The following ERBB4 variants were observed in gnomAD, a reference collection of about 807,000 sequenced individuals.
The protein encoded by ERBB4 is erb-b2 receptor tyrosine kinase 4, also known as receptor tyrosine-protein kinase erbB-4.
A neutral mutation model predicts 158.0 loss-of-function variants in ERBB4; 42 were observed. The observed-to-expected ratio is 0.27, with a 90% CI of 0.21 to 0.34. ERBB4 has a LOEUF of 0.34. Among genes scored for constraint, ERBB4 ranks in the 10% least tolerant of loss-of-function variants. ERBB4 has a pLI of 1.00. For missense variants in ERBB4, 1,333 were observed against 1,624.1 expected, an observed-to-expected ratio of 0.82 and a Z score of 3.08; for synonymous variants, 583 against 558.7, an observed-to-expected ratio of 1.04 and a Z score of -0.61.
chr2:211,633,928 G>T (rs1202155441), intron 16 of ERBB4, among the ~76,000 whole-genome samples: 4 of 152,208 alleles, frequency 2.6e-5, no homozygotes, highest in Non-Finnish European at 5.9e-5. Flanking sequence ...GGAGGCCAAG[G>T]CAGGTGGATT....
chr2:212,005,587 T>C (rs893088753), intron 2 of ERBB4, among the ~76,000 whole-genome samples: 1 of 152,060 alleles, frequency 6.6e-6, no homozygotes, highest in Non-Finnish European at 1.5e-5. Flanking sequence ...GGGAGAGTGT[T>C]CCAAACAGTG....
At chr2:211,819,840 G>C (rs1468222252) in intron 3 of ERBB4, among the ~76,000 whole-genome samples, 2 of 151,896 alleles carry the variant, frequency 1.3e-5, no homozygotes, top group Non-Finnish European at 2.9e-5. Context: ...AGTGGCAACA[G>C]GGATAAAGAG....
intron 1 of ERBB4, among the ~76,000 whole-genome samples, chr2:212,423,816 A>G (rs989709201): frequency 1.3e-5 from 2 of 152,120 alleles, no homozygotes; most frequent in Non-Finnish European, 2.9e-5. Flanking sequence ...GTATACTTTC[A>G]CCTGATGAGA....
At chr2:212,034,264 T>C (rs998050898) in intron 2 of ERBB4, among the ~76,000 whole-genome samples, 1 of 151,998 alleles carries the variant, frequency 6.6e-6, no homozygotes, top group Non-Finnish European at 1.5e-5. Context: ...TTTACCTACA[T>C]TCACTTTGTG....
intron 3 of ERBB4, among the ~76,000 whole-genome samples, chr2:211,827,162 A>G (rs1455180079): frequency 6.6e-6 from 1 of 151,948 alleles, no homozygotes; most frequent in Admixed American, 6.6e-5. Context: ...TACCCTACCC[A>G]TGCTCTATCC....
At chr2:211,409,741 G>A (rs1055388717) in intron 25 of ERBB4, among the ~76,000 whole-genome samples, 1 of 152,002 alleles carries the variant, frequency 6.6e-6, no homozygotes, top group African/African-American at 2.4e-5. Flanking sequence ...AACCAATAGA[G>A]CAATAGAGGT....
At chr2:211,918,217 C>G (rs1457835830) in intron 3 of ERBB4, among the ~76,000 whole-genome samples, 1 of 152,082 alleles carries the variant, frequency 6.6e-6, no homozygotes, top group Non-Finnish European at 1.5e-5. Context: ...TGTAAAAGTT[C>G]TCTTTGGAAA....
intron 25 of ERBB4, among the ~76,000 whole-genome samples, chr2:211,400,047 T>C (rs1238251108): frequency 2.6e-5 from 4 of 152,110 alleles, no homozygotes; most frequent in African/African-American, 9.7e-5. Flanking sequence ...TATAAGTCAA[T>C]GAAATTCTAA....
intron 25 of ERBB4, among the ~76,000 whole-genome samples, chr2:211,418,682 A>AT (rs199772070): frequency 3.4e-4 from 51 of 151,562 alleles, no homozygotes; most frequent in South Asian, 6.3e-4. Flanking sequence ...AAGAAAAACT[A>AT]TTTTTTTTTA....
chr2:211,809,617 T>C (rs941553333), intron 3 of ERBB4, among the ~76,000 whole-genome samples: 3 of 152,188 alleles, frequency 2.0e-5, no homozygotes, highest in Admixed American at 2.0e-4. Flanking sequence ...TCTATCAATT[T>C]TGTTGATCTT....
At chr2:212,357,671 G>A (rs893868835) in intron 1 of ERBB4, among the ~76,000 whole-genome samples, 2 of 151,380 alleles carry the variant, frequency 1.3e-5, no homozygotes, top group Non-Finnish European at 2.9e-5. Context: ...AACCTCCTTC[G>A]ATCTGTTTTA....
At chr2:212,141,830 C>T (rs1026823112) in intron 1 of ERBB4, among the ~76,000 whole-genome samples, 2 of 152,108 alleles carry the variant, frequency 1.3e-5, no homozygotes, top group East Asian at 3.9e-4. Flanking sequence ...TTCTTCTTGT[C>T]TTCCTCAAGT....
intron 16 of ERBB4, among the ~76,000 whole-genome samples, chr2:211,656,564 C>A (rs775085215): frequency 5.3e-5 from 8 of 152,266 alleles, no homozygotes; most frequent in Non-Finnish European, 8.8e-5. Flanking sequence ...TTTTGTACAA[C>A]CATCGCCATG....
chr2:212,446,597 ATATAT>A lies in ERBB4; in HGVS notation c.82+91847_82+91851del, dbSNP rs2092357415. Among the ~76,000 whole-genome samples, 10 of 17,198 alleles carry A rather than the reference ATATAT, an allele frequency of 5.8e-4. 1 individual carries two copies. Among genetic ancestry groups the A allele is most frequent in the Non-Finnish European group, 8.9e-4 (9 of 10,080 alleles). The allele number at this position is 17,198 out of a possible 152,430, so 11.3% of individuals were successfully genotyped here. A position where few individuals can be genotyped will look rare whatever the true frequency, so the allele number is the denominator to read the frequency against. Reference sequence around the variant, plus strand: ...AACTCCCATATATATATATGTATATATATATATATATATATATATATATATATATA... The same window carrying A: ...AACTCCCATATATATATATGTATATAATATATATATATATATATATATATA... On this transcript the variant is annotated intron_variant, in intron 1 of 27. Coordinates refer to ENST00000342788, the MANE Select transcript of ERBB4 (RefSeq NM_005235.3).
chr2:211,533,398 A>G (rs2066554674), intron 20 of ERBB4, among the ~76,000 whole-genome samples: 1 of 151,952 alleles, frequency 6.6e-6, no homozygotes, highest in African/African-American at 2.4e-5. Flanking sequence ...CATTATTCTT[A>G]AGCACTATAC....
At chr2:211,766,367 G>A (rs2075550367) in intron 4 of ERBB4, among the ~76,000 whole-genome samples, 1 of 152,096 alleles carries the variant, frequency 6.6e-6, no homozygotes, top group African/African-American at 2.4e-5. Flanking sequence ...GTAACCAGTG[G>A]TCTCTCCCCT....
chr2:212,317,800 T>C (rs1437931177), intron 1 of ERBB4, among the ~76,000 whole-genome samples: 1 of 150,736 alleles, frequency 6.6e-6, no homozygotes, highest in Non-Finnish European at 1.5e-5. Flanking sequence ...TTCAAATTTT[T>C]CTGTTTAGTT....
At chr2:211,623,014 T>A (rs1460408028) in intron 18 of ERBB4, among the ~76,000 whole-genome samples, 6 of 70,502 alleles carry the variant, frequency 8.5e-5, no homozygotes, top group African/African-American at 4.7e-4. Context: ...TATATATATA[T>A]ATATATATAT....
chr2:212,240,637 CAAAAAAAAAAAAAA>C (rs71054188), intron 1 of ERBB4, among the ~76,000 whole-genome samples: 1,472 of 35,846 alleles, frequency 0.041, 58 homozygotes, highest in African/African-American at 0.15. Context: ...CACTCTGGCT[CAAAAAAAAAAAAAA>C]AAAAAAAAAA....
Sources: gnomAD v4.1 joint callset for allele counts (sites outside exome capture counted in the v4.1 genomes callset) on GRCh38, gnomAD v4.1.1 for gene constraint, MANE v1.5 for transcripts, NCBI Gene and HGNC (gene_info 2026-07-23, HGNC 2026-07-21) for gene names.